RAD50: variants seen among roughly 807,000 people sequenced by gnomAD.
The protein encoded by RAD50 is RAD50 double strand break repair protein.
In RAD50, 132 loss-of-function variants were observed where a neutral mutation model predicts 168.8. That is an observed-to-expected ratio of 0.78 (90% CI 0.68 to 0.90). The LOEUF (loss-of-function observed/expected upper bound fraction) is 0.90. Ranked by LOEUF, RAD50 falls within the 40% of genes least tolerant of loss-of-function variation. The pLI is 0.00. For synonymous variants in RAD50, 525 were observed against 497.4 expected (o/e 1.06, Z -0.74); for missense variants, 1,347 against 1,534.4 (o/e 0.88, Z 2.04).
intron 19 of RAD50, among the ~76,000 whole-genome samples, chr5:132,610,236 A>T (rs1751061340): frequency 6.6e-6 from 1 of 152,144 alleles, no homozygotes; most frequent in African/African-American, 2.4e-5. Context: ...ACTGTGTGAC[A>T]ATGAACATCT....
rs1000690627 is a variant in RAD50, at chr5:132,643,306, T to A, written c.*942T>A. On this transcript the variant is annotated 3_prime_UTR_variant, in exon 25 of 25. Transcript: ENST00000378823. ...CCATTTGCTCTTCAGATGCCACTTC[T>A]AAGAAAAGCCTAATCACAGTTTTTC... 4.0e-6 allele frequency: 1 copy of A among 249,460 alleles called. No individual in the cohort carries two copies. 15.5% of individuals were successfully genotyped at this position (249,460 alleles called of 1,614,324 possible).
At chr5:132,621,179 C>A (rs1344321959) in intron 21 of RAD50, among the ~76,000 whole-genome samples, 1 of 152,084 alleles carries the variant, frequency 6.6e-6, no homozygotes, top group Non-Finnish European at 1.5e-5. Context: ...ATCAGTATCA[C>A]CTTGGAACAT....
intron 23 of RAD50, among the ~76,000 whole-genome samples, chr5:132,640,260 G>A (rs955590104): frequency 1.3e-5 from 2 of 152,200 alleles, no homozygotes; most frequent in South Asian, 4.1e-4. Flanking sequence ...TAGAAAACGT[G>A]TCGAAGTTTT....
intron 5 of RAD50, among the ~76,000 whole-genome samples, chr5:132,580,747 C>T (rs1223326550): frequency 6.6e-6 from 1 of 152,042 alleles, no homozygotes; most frequent in Admixed American, 6.6e-5. Context: ...CTTCTTTGTA[C>T]CAGGGTATAC....
chr5:132,591,085 TG>T (rs1750688662), intron 9 of RAD50, 138 bp from the exon 10 acceptor site: 1 of 836,304 alleles, frequency 1.2e-6, no homozygotes, highest in Non-Finnish European at 2.0e-6. Flanking sequence ...TAGTGCCTTA[TG>T]TTTTTTTCTC....
chr5:132,603,856 T>C, intron 14 of RAD50, 64 bp from the exon 15 acceptor site: 1 of 1,385,728 alleles, frequency 7.2e-7, no homozygotes, highest in Admixed American at 2.0e-5. Context: ...GAGCAATTAA[T>C]TTTTAAAGAT....
chr5:132,628,298 C>T (rs1323450483), intron 21 of RAD50, among the ~76,000 whole-genome samples: 1 of 152,166 alleles, frequency 6.6e-6, no homozygotes, highest in Non-Finnish European at 1.5e-5. Context: ...GGTCCCACCA[C>T]TAGTTATGTT....
At chr5:132,560,341 GATT>G (rs944354247) in intron 2 of RAD50, among the ~76,000 whole-genome samples, 1 of 151,928 alleles carries the variant, frequency 6.6e-6, no homozygotes, top group Non-Finnish European at 1.5e-5. Context: ...ACCCCCTGTT[GATT>G]ATTATTTGTT....
intron 21 of RAD50, among the ~76,000 whole-genome samples, chr5:132,635,911 A>C (rs182073889): frequency 6.6e-6 from 1 of 152,310 alleles, no homozygotes; most frequent in East Asian, 1.9e-4. Flanking sequence ...GACTTGTTGC[A>C]TTCTCATCAA....
intron 13 of RAD50, among the ~76,000 whole-genome samples, chr5:132,597,892 G>GT (rs1429950781): frequency 6.6e-6 from 1 of 152,054 alleles, no homozygotes; most frequent in African/African-American, 2.4e-5. Flanking sequence ...GAGGAATAAG[G>GT]TAGTATCTTG....
intron 23 of RAD50, among the ~76,000 whole-genome samples, chr5:132,638,548 C>T (rs1751644399): frequency 6.6e-6 from 1 of 152,196 alleles, no homozygotes; most frequent in African/African-American, 2.4e-5. Flanking sequence ...AGTTATAAGA[C>T]ATACCACTAT....
At chr5:132,619,821 T>TCCTC (rs1751246818) in intron 21 of RAD50, among the ~76,000 whole-genome samples, 1 of 132,312 alleles carries the variant, frequency 7.6e-6, no homozygotes, top group African/African-American at 3.0e-5. Context: ...TACTCCTCTC[T>TCCTC]CTCTCTCTCT....
intron 21 of RAD50, among the ~76,000 whole-genome samples, chr5:132,619,701 G>T: frequency 6.6e-6 from 1 of 150,938 alleles, no homozygotes. Flanking sequence ...TGATGACACT[G>T]GATTTGATTT....
At chr5:132,559,422 TA>T in intron 2 of RAD50, 55 bp downstream of exon 2, 1 of 1,536,834 alleles carries the variant, frequency 6.5e-7, no homozygotes, top group East Asian at 2.4e-5. Context: ...GATAATAGCT[TA>T]TTATAGAAAA....
intron 2 of RAD50, 144 bp from the exon 3 acceptor site, chr5:132,575,633 G>T: frequency 2.7e-6 from 2 of 740,978 alleles, no homozygotes; most frequent in Non-Finnish European, 4.6e-6. Flanking sequence ...TCTATATTTT[G>T]GATAGCATGT....
chr5:132,601,274 A>G (rs1750882952), intron 13 of RAD50, among the ~76,000 whole-genome samples: 1 of 152,220 alleles, frequency 6.6e-6, no homozygotes, highest in Admixed American at 6.5e-5. Flanking sequence ...CTCATATTAC[A>G]GGCGTGAGCC....
At chr5:132,625,089 CT>C (rs1160789107) in intron 21 of RAD50, among the ~76,000 whole-genome samples, 226 of 140,468 alleles carry the variant, frequency 1.6e-3, no homozygotes, top group Middle Eastern at 7.4e-3. Flanking sequence ...ATTTTGAATT[CT>C]TTTTTTTTTT....
chr5:132,594,999 T>G lies in RAD50; in HGVS notation c.1924T>G (p.Leu642Val), dbSNP rs201132221. 8.5e-5 allele frequency: 137 copies of G among 1,613,848 alleles called. No homozygotes were observed. In the East Asian group the frequency reaches 3.1e-3, roughly 36 times the overall value. The part of the protein sequence containing the change: ...VCGSQDFESD[L>V]DRLKEEIEKS... Reference sequence around the variant, plus strand: ...TGGTAGCCAGGATTTTGAAAGTGATTTAGACAGGCTTAAAGAGGAAATTGA... The same window carrying G: ...TGGTAGCCAGGATTTTGAAAGTGATGTAGACAGGCTTAAAGAGGAAATTGA... Residue 642 changes from leucine to valine, a missense_variant, in exon 12 of 25, where the codon TTA becomes GTA. Transcript: ENST00000378823.
chr5:132,587,894 A>G (rs2149840551), intron 6 of RAD50, 30 bp from the exon 7 acceptor site: 1 of 1,606,442 alleles, frequency 6.2e-7, no homozygotes, highest in Non-Finnish European at 8.5e-7. Context: ...ATGTTTGTAC[A>G]TTAAAGCTTT....
Sources: allele counts gnomAD v4.1 joint callset (sites outside exome capture counted in the v4.1 genomes callset), GRCh38; gene constraint gnomAD v4.1.1; transcripts MANE v1.5; gene names NCBI Gene and HGNC (gene_info 2026-07-23, HGNC 2026-07-21).